The following GFM2 variants were observed in gnomAD, a reference collection of about 807,000 sequenced individuals.
The protein encoded by GFM2 is ribosome-releasing factor 2, mitochondrial.
GFM2 carries 72 observed loss-of-function variants against 95.4 expected under a neutral mutation model. The ratio of observed to expected loss-of-function variants is 0.76; its 90% confidence interval spans 0.62 to 0.92. The LOEUF is 0.92. Among genes scored for constraint, GFM2 ranks in the 40% least tolerant of loss-of-function variants. The pLI is 0.00. For missense variants in GFM2, 825 were observed against 924.1 expected (o/e 0.89, Z 1.39); for synonymous variants, 276 against 317.5 (o/e 0.87, Z 1.39).
chr5:74,765,139 C>G, intron 1 of GFM2: 1 of 1,199,008 alleles, frequency 8.3e-7, no homozygotes, highest in Non-Finnish European at 1.1e-6. Flanking sequence ...CTCATAGTCT[C>G]TCCACAGTTG....
At position 74,730,142 on chromosome 5, in the gene GFM2, A is replaced by G. The variant is rs1037934348; in HGVS notation, c.1726+118T>C. On this transcript the variant is annotated intron_variant, in intron 17 of 20. Transcript: ENST00000296805. ...AAAAACAAAAAAACCCCACATACAT[A>G]AAAACTGTCTCCTCTGATAGAAGAC... 11 of 976,972 alleles carry G rather than the reference A, an allele frequency of 1.1e-5. No homozygotes were observed. The Admixed American group carries it at 3.7e-4, about 33-fold the overall frequency. 60.5% of individuals were successfully genotyped at this position (976,972 alleles called of 1,614,324 possible).
At chr5:74,765,960 T>C (rs1247646298) in intron 1 of GFM2, among the ~76,000 whole-genome samples, 1 of 151,688 alleles carries the variant, frequency 6.6e-6, no homozygotes, top group Non-Finnish European at 1.5e-5. Context: ...GATGGCGCAT[T>C]TGCACTCCAG....
intron 3 of GFM2, 61 bp downstream of exon 3, chr5:74,760,841 G>T: frequency 9.4e-7 from 1 of 1,068,224 alleles, no homozygotes; most frequent in Non-Finnish European, 1.4e-6. Flanking sequence ...TTGCAAACAA[G>T]AGAGAGAAAA....
intron 8 of GFM2, among the ~76,000 whole-genome samples, chr5:74,747,360 T>G (rs763606434): frequency 2.0e-5 from 3 of 152,308 alleles, no homozygotes; most frequent in Admixed American, 6.5e-5. Flanking sequence ...GGAAGCGCCA[T>G]ACCTTCAGCA....
At chr5:74,738,739 G>T in intron 12 of GFM2, 97 bp from the exon 13 acceptor site, 1 of 1,197,594 alleles carries the variant, frequency 8.4e-7, no homozygotes. Context: ...TTATCTTCTA[G>T]TAGAGCTACT....
At chr5:74,739,616 T>G (rs1053141112) in intron 12 of GFM2, among the ~76,000 whole-genome samples, 3 of 152,176 alleles carry the variant, frequency 2.0e-5, no homozygotes, top group African/African-American at 7.2e-5. Flanking sequence ...AGTAAAACAA[T>G]GACCTTTCTT....
intron 5 of GFM2, among the ~76,000 whole-genome samples, chr5:74,753,917 A>G (rs532265648): frequency 2.8e-4 from 43 of 152,284 alleles, no homozygotes; most frequent in African/African-American, 9.9e-4. Context: ...CAGAGTCATC[A>G]GGTTATCTAA....
rs143461990 is a variant in GFM2 at position 74,730,268 on chromosome 5, C to T, written c.1718G>A (p.Arg573His). 6,241 of 1,601,796 alleles carry T rather than the reference C, an allele frequency of 3.9e-3. 20 individuals are homozygous for T. Among genetic ancestry groups the T allele is most frequent in the Non-Finnish European group, 4.7e-3 (5,562 of 1,176,766 alleles). ...AATGTTTTACTTTTTACCTGTGGCA[C>T]GAACTGAGTTTAGGATGGTCTCTCG... ...AYRETILNSV[R>H]ATDTLDRTLG... The change falls in exon 17 of 21, where the codon CGT becomes CAT. Residue 573 changes from arginine (R) to histidine (H), a missense_variant. Transcript: ENST00000296805.
At chr5:74,722,719 TAAG>T in intron 19 of GFM2, 158 bp from the exon 20 acceptor site, 1 of 575,016 alleles carries the variant, frequency 1.7e-6, no homozygotes, top group Non-Finnish European at 3.0e-6. Context: ...GCTTGTATAA[TAAG>T]CATGATAACA....
At chr5:74,734,380 T>G (rs551462407) in intron 15 of GFM2, among the ~76,000 whole-genome samples, 2 of 152,260 alleles carry the variant, frequency 1.3e-5, no homozygotes, top group South Asian at 4.2e-4. Flanking sequence ...ATTACATATG[T>G]AGGTCACATT....
At chr5:74,736,760 C>A (rs369800782) in intron 15 of GFM2, 36 bp downstream of exon 15, 9 of 1,610,732 alleles carry the variant, frequency 5.6e-6, no homozygotes, top group African/African-American at 2.7e-5. Flanking sequence ...AAATTATCAG[C>A]GCACTAATTA....
At chr5:74,748,289 CAATAAAGT>C (rs1743492808) in intron 7 of GFM2, among the ~76,000 whole-genome samples, 1 of 152,106 alleles carries the variant, frequency 6.6e-6, no homozygotes, top group African/African-American at 2.4e-5. Flanking sequence ...AATTTATATA[CAATAAAGT>C]ACAGATATTA....
intron 17 of GFM2, 97 bp downstream of exon 17, chr5:74,730,163 A>T (rs920597953): frequency 1.8e-6 from 2 of 1,136,482 alleles, no homozygotes; most frequent in Non-Finnish European, 2.4e-6. Context: ...CCTCTGATAG[A>T]AGACATTAGT....
At chr5:74,760,183 T>C (rs530962410) in intron 3 of GFM2, among the ~76,000 whole-genome samples, 51 of 152,324 alleles carry the variant, frequency 3.3e-4, no homozygotes, top group African/African-American at 1.2e-3. Context: ...TGAAACTTCA[T>C]GGTGGTTTGA....
intron 2 of GFM2, 127 bp from the exon 3 acceptor site, chr5:74,761,113 A>G: frequency 1.7e-6 from 1 of 589,820 alleles, no homozygotes; most frequent in Middle Eastern, 4.6e-4. Context: ...GTCCTAATTT[A>G]TTAACTCCAA....
In GFM2 at chr5:74,761,947, C is replaced by A. The variant is rs1006033230; in HGVS notation, c.64-961G>T. 2.0e-5 allele frequency among the ~76,000 whole-genome samples: 3 copies of A among 152,244 alleles called. No individual in the cohort carries two copies. In the East Asian group the frequency reaches 5.8e-4, roughly 29 times the overall value. On this transcript the variant is annotated intron_variant, in intron 2 of 20. Coordinates refer to ENST00000296805, the MANE Select transcript of GFM2 (RefSeq NM_032380.5). The stretch of plus-strand genomic sequence containing the variant: ...TTACCAAGTTTCTGGCAATAATAAG[C>A]TACTATCCTCAGAAAATAATTCCAC...
intron 5 of GFM2, among the ~76,000 whole-genome samples, chr5:74,755,411 A>C (rs768313007): frequency 2.0e-5 from 3 of 152,234 alleles, no homozygotes; most frequent in Non-Finnish European, 4.4e-5. Context: ...CAATGATATC[A>C]AGATGGAAAT....
chr5:74,735,805 C>T (rs1289764388), intron 15 of GFM2, among the ~76,000 whole-genome samples: 7 of 152,048 alleles, frequency 4.6e-5, no homozygotes, highest in Admixed American at 6.6e-5. Context: ...AAAATGAAGG[C>T]GGAAGTTTCA....
At chr5:74,738,667 G>T (rs182115360) in intron 12 of GFM2, 25 bp from the exon 13 acceptor site, 5 of 1,586,450 alleles carry the variant, frequency 3.2e-6, no homozygotes, top group Non-Finnish European at 4.3e-6. Context: ...TTCCAAAAAG[G>T]CCTATAAAAT....
Sources: allele counts gnomAD v4.1 joint callset (sites outside exome capture counted in the v4.1 genomes callset), GRCh38; gene constraint gnomAD v4.1.1; transcripts MANE v1.5; gene names NCBI Gene and HGNC (gene_info 2026-07-23, HGNC 2026-07-21).